STXBP4: variants seen among roughly 807,000 people sequenced by gnomAD.
STXBP4 encodes syntaxin binding protein 4, also known as syntaxin-binding protein 4.
In STXBP4, 55 loss-of-function variants were observed where a neutral mutation model predicts 76.1. The observed-to-expected ratio is 0.72, with a 90% CI of 0.58 to 0.91. The LOEUF (loss-of-function observed/expected upper bound fraction) is 0.91. STXBP4 is among the 40% of genes least tolerant of loss of function. The probability of loss-of-function intolerance (pLI) is 0.00; values close to 1 mark genes in which losing one functional copy is unlikely to be tolerated. For synonymous variants in STXBP4, 201 were observed against 220.2 expected, an observed-to-expected ratio of 0.91 and a Z score of 0.77; for missense variants, 618 against 636.9, an observed-to-expected ratio of 0.97 and a Z score of 0.32.
chr17:55,113,217 CCACACACACACACA>C (rs10611316), intron 16 of STXBP4, among the ~76,000 whole-genome samples: 61 of 141,424 alleles, frequency 4.3e-4, no homozygotes, highest in African/African-American at 1.3e-3. Context: ...GGTGCTCTTA[CCACACACACACACA>C]CACACACACA....
At chr17:55,108,036 G>A (rs905914985) in intron 16 of STXBP4, among the ~76,000 whole-genome samples, 6 of 152,222 alleles carry the variant, frequency 3.9e-5, no homozygotes, top group African/African-American at 1.4e-4. Flanking sequence ...CCTTCCCCCA[G>A]GTGCTGTGTC....
chr17:55,161,087 G>T lies in STXBP4; in HGVS notation c.*1176G>T, dbSNP rs1226089132. On this transcript the variant is annotated 3_prime_UTR_variant, in exon 18 of 18. Transcript: ENST00000376352. ...GAACATAGTCTAAGAACCATTCATT[G>T]TAGCCATTTTATAGTTGAGTAAACT... is the stretch of plus-strand genomic sequence containing the variant. 1 of 152,200 alleles carries T rather than the reference G, an allele frequency of 6.6e-6. No homozygotes were observed. Among genetic ancestry groups the T allele is most frequent in the African/African-American group, 2.4e-5 (1 of 41,444 alleles). The allele number at this position is 152,200 out of a possible 1,614,324, so 9.4% of individuals were successfully genotyped here. A position where few individuals can be genotyped will look rare whatever the true frequency, so the allele number is the denominator to read the frequency against.
intron 1 of STXBP4, among the ~76,000 whole-genome samples, chr17:54,981,853 TAGA>T (rs1697934052): frequency 6.6e-6 from 1 of 152,024 alleles, no homozygotes; most frequent in African/African-American, 2.4e-5. Context: ...TAACGATAAA[TAGA>T]AGAATTGGCA....
At position 55,171,788 on chromosome 17, in the gene STXBP4, G is replaced by A. The variant is rs1315029991; in HGVS notation, c.*11877G>A. On this transcript the variant is annotated 3_prime_UTR_variant, in exon 18 of 18. Transcript: ENST00000376352. ...TGGAACCCTCCCTCCCCCGCCCCTG[G>A]GGCCTTCAGAGGGAGCGGTGCCCAG... The A allele has an allele frequency of 6.6e-6, 1 of 152,202 alleles. No homozygotes were observed. The highest frequency in any genetic ancestry group is 2.4e-5 in the African/African-American group (1 of 41,436). The allele number at this position is 152,202 out of a possible 1,614,324, so 9.4% of individuals were successfully genotyped here.
At chr17:55,198,038 C>T in the STXBP4 span, among the ~76,000 whole-genome samples, 10 of 152,336 alleles carry the variant, frequency 6.6e-5, no homozygotes, top group East Asian at 1.9e-3. Context: ...AGTAGCGGCT[C>T]AAGGGCCTGG....
At chr17:55,112,867 G>A (rs769485804) in intron 16 of STXBP4, among the ~76,000 whole-genome samples, 1 of 152,038 alleles carries the variant, frequency 6.6e-6, no homozygotes, top group Non-Finnish European at 1.5e-5. Context: ...GGGAAGAGAG[G>A]AAACTCATGG....
rs1003073056 is a variant in STXBP4 at position 55,007,517 on chromosome 17, G to A, written c.586G>A (p.Ala196Thr). 4 of 1,610,760 alleles carry A rather than the reference G, an allele frequency of 2.5e-6. No homozygotes were observed. Among genetic ancestry groups the A allele is most frequent in the Non-Finnish European group, 3.4e-6 (4 of 1,178,944 alleles). ...VGLSNTDVAS[A>T]WTENYGLQEK... ...CTGTTGTCTCTTAGATGTTGCTTCT[G>A]CCTGGACTGAAAATTATGGGCTACA... The change falls in exon 8 of 18, where the codon GCC (alanine) becomes ACC (threonine). Residue 196 changes from alanine (A) to threonine (T), a missense_variant. Ala to Thr is a moderately conservative substitution (Grantham distance 58, BLOSUM62 0). Transcript: ENST00000376352.
At chr17:55,183,659 T>C in the STXBP4 span, among the ~76,000 whole-genome samples, 3 of 152,108 alleles carry the variant, frequency 2.0e-5, no homozygotes, top group African/African-American at 7.2e-5. Context: ...CATGGAGATA[T>C]TGTAAAAGGA....
chr17:55,156,911 G>C (rs763705302), intron 17 of STXBP4, among the ~76,000 whole-genome samples: 1 of 152,132 alleles, frequency 6.6e-6, no homozygotes, highest in Non-Finnish European at 1.5e-5. Flanking sequence ...AGAACTTTCT[G>C]ATATTCACCG....
At chr17:55,199,960 C>T in the STXBP4 span, among the ~76,000 whole-genome samples, 2 of 152,230 alleles carry the variant, frequency 1.3e-5, no homozygotes. Flanking sequence ...TATCCCCATT[C>T]CTTAGAGCTT....
At chr17:55,136,063 T>C (rs1297427791) in intron 16 of STXBP4, among the ~76,000 whole-genome samples, 7 of 152,150 alleles carry the variant, frequency 4.6e-5, no homozygotes, top group Admixed American at 4.6e-4. Context: ...CTCTGCAAAA[T>C]GAGGTTAATA....
intron 16 of STXBP4, among the ~76,000 whole-genome samples, chr17:55,087,955 T>TA (rs1472319932): frequency 1.3e-5 from 2 of 152,218 alleles, no homozygotes; most frequent in African/African-American, 4.8e-5. Flanking sequence ...ATGAGCATTT[T>TA]ATAGTTTTCC....
Position 55,161,643 on chromosome 17 carries a change from AC to A in STXBP4, c.*1734del, listed in dbSNP as rs1481383212. 6.6e-6 allele frequency: 1 copy of A among 152,196 alleles called. No individual in the cohort carries two copies. Among genetic ancestry groups the A allele is most frequent in the African/African-American group, 2.4e-5 (1 of 41,440 alleles). The allele number at this position is 152,196 out of a possible 1,614,324, so 9.4% of individuals were successfully genotyped here. A position where few individuals can be genotyped will look rare whatever the true frequency, so the allele number is the denominator to read the frequency against. On this transcript the variant is annotated 3_prime_UTR_variant, in exon 18 of 18. Coordinates refer to ENST00000376352, the MANE Select transcript of STXBP4 (RefSeq NM_178509.6). ...CCTCATCCATTAACTGCTGTTTTGT[AC>A]CACTTGCCGCCCTGTTTCTGTCAAA... is the stretch of plus-strand genomic sequence containing the variant.
the STXBP4 span, among the ~76,000 whole-genome samples, chr17:55,191,807 A>G: frequency 6.6e-6 from 1 of 152,220 alleles, no homozygotes. Flanking sequence ...GAGATAGTGC[A>G]GATCCCACAG....
At chr17:54,969,224 G>A (rs1264850965) in intron 1 of STXBP4, among the ~76,000 whole-genome samples, 3 of 152,232 alleles carry the variant, frequency 2.0e-5, no homozygotes, top group Non-Finnish European at 4.4e-5. Context: ...TGGAGCAGGA[G>A]GGAGGCTGTC....
chr17:55,111,249 C>T (rs2079711263), intron 16 of STXBP4, among the ~76,000 whole-genome samples: 1 of 152,138 alleles, frequency 6.6e-6, no homozygotes, highest in Non-Finnish European at 1.5e-5. Flanking sequence ...AAGATCCAAA[C>T]TCTTTACCAT....
At chr17:54,973,741 C>A (rs1045932422) in intron 1 of STXBP4, among the ~76,000 whole-genome samples, 30 of 152,300 alleles carry the variant, frequency 2.0e-4, no homozygotes, top group Admixed American at 4.6e-4. Flanking sequence ...GGAATGAGAG[C>A]TCCTCAGGGC....
intron 7 of STXBP4, among the ~76,000 whole-genome samples, chr17:55,004,939 A>G (rs964067058): frequency 4.6e-5 from 7 of 152,232 alleles, no homozygotes; most frequent in African/African-American, 1.4e-4. Flanking sequence ...GAAAACTTCT[A>G]TGAGGGGCTT....
intron 1 of STXBP4, among the ~76,000 whole-genome samples, chr17:54,982,174 T>C (rs2077559625): frequency 6.6e-6 from 1 of 152,160 alleles, no homozygotes; most frequent in African/African-American, 2.4e-5. Flanking sequence ...CAGAAGATAT[T>C]TTTATCCCTT....
Sources: allele counts gnomAD v4.1 joint callset (sites outside exome capture counted in the v4.1 genomes callset), GRCh38; gene constraint gnomAD v4.1.1; transcripts MANE v1.5; gene names NCBI Gene and HGNC (gene_info 2026-07-23, HGNC 2026-07-21).